PPP2R2B: variants seen among roughly 807,000 people sequenced by gnomAD.
The protein encoded by PPP2R2B is serine/threonine-protein phosphatase 2A 55 kDa regulatory subunit B beta isoform.
A neutral mutation model predicts 46.0 loss-of-function variants in PPP2R2B; 5 were observed. That is an observed-to-expected ratio of 0.11 (90% CI 0.06 to 0.23). The LOEUF is 0.23. PPP2R2B is among the 10% of genes least tolerant of loss of function. The pLI is 1.00. For missense variants in PPP2R2B, 367 were observed against 575.0 expected (o/e 0.64, Z 3.70); for synonymous variants, 215 against 206.7 (o/e 1.04, Z -0.34).
chr5:146,634,786 C>G (rs530354953), intron 7 of PPP2R2B, among the ~76,000 whole-genome samples: 4 of 151,890 alleles, frequency 2.6e-5, no homozygotes, highest in South Asian at 2.1e-4. Flanking sequence ...ACACACACCC[C>G]CTACTGGTTC....
At chr5:147,081,182 AGTT>A (rs1289154735) in intron 1 of PPP2R2B, 11 of 1,533,910 alleles carry the variant, frequency 7.2e-6, no homozygotes, top group Non-Finnish European at 9.6e-6. Flanking sequence ...AAGAGCTCCC[AGTT>A]GTTCTTAAGA....
At chr5:146,832,836 A>AT (rs1162941601) in intron 2 of PPP2R2B, among the ~76,000 whole-genome samples, 1 of 152,116 alleles carries the variant, frequency 6.6e-6, no homozygotes, top group Non-Finnish European at 1.5e-5. Context: ...AGCCTATACC[A>AT]TATAGCCTAG....
At chr5:147,041,581 T>G (rs2151897119) in intron 1 of PPP2R2B, among the ~76,000 whole-genome samples, 1 of 149,098 alleles carries the variant, frequency 6.7e-6, no homozygotes, top group Middle Eastern at 3.5e-3. Flanking sequence ...TTTGTCATCC[T>G]AGGACAAAGT....
chr5:146,729,281 G>T (rs1050826544), intron 2 of PPP2R2B, among the ~76,000 whole-genome samples: 7 of 152,166 alleles, frequency 4.6e-5, no homozygotes, highest in Non-Finnish European at 8.8e-5. Flanking sequence ...ATGATTTAGG[G>T]TATCTGGCAG....
intron 2 of PPP2R2B, among the ~76,000 whole-genome samples, chr5:146,838,359 G>A (rs113703657): frequency 0.018 from 2,675 of 151,480 alleles, 28 homozygotes; most frequent in Middle Eastern, 0.042. Context: ...ATCTCTTGAG[G>A]TCAGGAGTTC....
intron 1 of PPP2R2B, among the ~76,000 whole-genome samples, chr5:147,025,694 G>C (rs1281185708): frequency 6.6e-6 from 1 of 151,908 alleles, no homozygotes; most frequent in Non-Finnish European, 1.5e-5. Context: ...CTTGGATCTA[G>C]AATATATAAA....
At position 146,963,346 on chromosome 5, in the gene PPP2R2B, CTCT is replaced by C. The variant is rs761616400; in HGVS notation, c.79+92316_79+92318del. On this transcript the variant is annotated intron_variant, in intron 1 of 8. Coordinates refer to the PPP2R2B transcript ENST00000336640. ...CCAAACATTTTTATTCTCAGAGTTC[CTCT>C]TCTTAGCACCACCACGGAGTAGGGA... is the stretch of plus-strand genomic sequence containing the variant. Among the ~76,000 whole-genome samples, 7 of 152,210 alleles carry C rather than the reference CTCT, an allele frequency of 4.6e-5. No homozygotes were observed. In the East Asian group the frequency reaches 1.2e-3, roughly 25 times the overall value.
intron 5 of PPP2R2B, among the ~76,000 whole-genome samples, chr5:146,681,074 A>C (rs1181024312): frequency 6.6e-6 from 1 of 152,242 alleles, no homozygotes; most frequent in African/African-American, 2.4e-5. Flanking sequence ...TCAATGCATC[A>C]GTCGAAGCCC....
rs147383897 is a variant in PPP2R2B at position 146,600,447 on chromosome 5, C to T, written c.804G>A (p.Pro268=). ...AAAATGATCTGTTGCTTGGATCTTC[C>T]GGCTCTTCAAAAACTGCAGAACAAA... The part of the protein sequence containing the change: ...CDRHTKFFEE[P]EDPSNRSFFS... Residue 268 remains proline, a synonymous_variant, in exon 8 of 10, where the codon CCG becomes CCA. Transcript: ENST00000394411. 60 of 1,613,438 alleles carry T rather than the reference C, an allele frequency of 3.7e-5. No homozygotes were observed. The highest frequency in any genetic ancestry group is 2.3e-4 in the Admixed American group (14 of 59,878).
intron 1 of PPP2R2B, among the ~76,000 whole-genome samples, chr5:147,010,485 T>C (rs763071925): frequency 1.3e-5 from 2 of 152,152 alleles, no homozygotes; most frequent in East Asian, 1.9e-4. Context: ...TTGGGGGTGA[T>C]GGGAGACAGT....
chr5:146,842,954 C>T lies in PPP2R2B; in HGVS notation c.70+35048G>A, dbSNP rs141943513. 3.2e-4 allele frequency among the ~76,000 whole-genome samples: 49 copies of T among 152,278 alleles called. 1 individual carries two copies. The highest frequency in any genetic ancestry group is 1.1e-3 in the African/African-American group (47 of 41,562). ...CTGTAATCCCAGAACTTTGGGAGGC[C>T]GAGGCGGGTGGATCACCTCAGGTCA... On this transcript the variant is annotated intron_variant, in intron 2 of 9. Coordinates refer to ENST00000394411, the MANE Select transcript of PPP2R2B (RefSeq NM_181675.4).
intron 2 of PPP2R2B, among the ~76,000 whole-genome samples, chr5:146,852,506 AG>A (rs2151383507): frequency 6.6e-6 from 1 of 152,260 alleles, no homozygotes; most frequent in South Asian, 2.1e-4. Flanking sequence ...GGCCACGAGC[AG>A]GACTTAAATT....
At chr5:146,764,521 G>A (rs950589398) in intron 2 of PPP2R2B, among the ~76,000 whole-genome samples, 40 of 152,160 alleles carry the variant, frequency 2.6e-4, no homozygotes. Flanking sequence ...TTCCCCTAAT[G>A]GATAAAATGT....
chr5:146,889,936 A>G (rs1762443401), intron 1 of PPP2R2B, among the ~76,000 whole-genome samples: 1 of 152,188 alleles, frequency 6.6e-6, no homozygotes, highest in South Asian at 2.1e-4. Context: ...TGATGATGAA[A>G]GCCTAGAGAA....
chr5:147,055,537 T>C, intron 1 of PPP2R2B: 1 of 787,064 alleles, frequency 1.3e-6, no homozygotes, highest in South Asian at 1.6e-5. Flanking sequence ...GTCTGTTGGA[T>C]ACAAGCTTTT....
At chr5:146,619,489 A>ACAAAT (rs1240939200) in intron 7 of PPP2R2B, among the ~76,000 whole-genome samples, 1 of 151,830 alleles carries the variant, frequency 6.6e-6, no homozygotes, top group Non-Finnish European at 1.5e-5. Flanking sequence ...ACAAAACAAA[A>ACAAAT]CCATAAAGGG....
chr5:146,805,625 C>A (rs1410327681), intron 2 of PPP2R2B, among the ~76,000 whole-genome samples: 2 of 152,060 alleles, frequency 1.3e-5, no homozygotes, highest in African/African-American at 4.8e-5. Flanking sequence ...TCATTGATAG[C>A]AATGGAATAT....
At chr5:146,934,291 C>T (rs1005899738) in intron 1 of PPP2R2B, among the ~76,000 whole-genome samples, 1 of 151,298 alleles carries the variant, frequency 6.6e-6, no homozygotes, top group African/African-American at 2.4e-5. Context: ...AGTTTACAGT[C>T]CCACCAACAG....
At chr5:146,983,071 T>C (rs1753248456) in intron 1 of PPP2R2B, among the ~76,000 whole-genome samples, 1 of 152,018 alleles carries the variant, frequency 6.6e-6, no homozygotes, top group East Asian at 1.9e-4. Flanking sequence ...CATTTTATTT[T>C]TATTTTTGTC....
Sources: gnomAD v4.1 joint callset for allele counts (sites outside exome capture counted in the v4.1 genomes callset) on GRCh38, gnomAD v4.1.1 for gene constraint, MANE v1.5 for transcripts, NCBI Gene and HGNC (gene_info 2026-07-23, HGNC 2026-07-21) for gene names.